The following WASF3 variants were observed in gnomAD, a reference collection of about 807,000 sequenced individuals.
WASF3 encodes actin-binding protein WASF3.
Under a neutral mutation model 46.6 loss-of-function variants are expected in WASF3, and 11 were observed. The observed-to-expected ratio is 0.24, with a 90% CI of 0.15 to 0.39. WASF3 has a LOEUF of 0.39. Among genes scored for constraint, WASF3 ranks in the 10% least tolerant of loss-of-function variants. The pLI is 1.00. For synonymous variants in WASF3, 242 were observed against 259.7 expected, an observed-to-expected ratio of 0.93 and a Z score of 0.65; for missense variants, 576 against 669.8, an observed-to-expected ratio of 0.86 and a Z score of 1.55.
At chr13:26,664,989 C>T (rs1381797093) in intron 3 of WASF3, 39 bp from the exon 4 acceptor site, 1 of 1,611,094 alleles carries the variant, frequency 6.2e-7, no homozygotes, top group Non-Finnish European at 8.5e-7. Flanking sequence ...TTCATCAGCT[C>T]CCTAACAGAT....
upstream of WASF3, among the ~76,000 whole-genome samples, chr13:26,555,472 C>T (rs1879077322): frequency 6.6e-6 from 1 of 152,128 alleles, no homozygotes; most frequent in Non-Finnish European, 1.5e-5. Context: ...TCCTTTGCAG[C>T]TAAAGGTGGT....
intron 3 of WASF3, among the ~76,000 whole-genome samples, chr13:26,646,983 A>G (rs1882169119): frequency 6.6e-6 from 1 of 152,256 alleles, no homozygotes; most frequent in Admixed American, 6.5e-5. Flanking sequence ...TGAAGGCCCT[A>G]CAACTTTACA....
rs398022033 is a variant in WASF3 at position 26,582,676 on chromosome 13, C to CAAAAA, written c.-109+24876_-109+24880dup. On this transcript the variant is annotated intron_variant, in intron 1 of 9. Coordinates refer to ENST00000335327, the MANE Select transcript of WASF3 (RefSeq NM_006646.6). ...TGGGTGACCGAGTGAGACTCCGTCT[C>CAAAAA]AAAAAAAAAAAAAAAAAAAAAAAGC... 1.5e-3 allele frequency among the ~76,000 whole-genome samples: 80 copies of CAAAAA among 53,300 alleles called. 3 individuals are homozygous for CAAAAA. Among genetic ancestry groups the CAAAAA allele is most frequent in the African/African-American group, 2.0e-3 (25 of 12,218 alleles). The allele number at this position is 53,300 out of a possible 152,430, so 35.0% of individuals were successfully genotyped here. A position where few individuals can be genotyped will look rare whatever the true frequency, so the allele number is the denominator to read the frequency against.
At chr13:26,577,386 T>C in intron 1 of WASF3, 2 of 770,900 alleles carry the variant, frequency 2.6e-6, no homozygotes, top group South Asian at 2.7e-5. Context: ...CGGAAGAATA[T>C]GATGGAAATC....
In WASF3 at chr13:26,565,419, A is replaced by C. The variant is rs546247178; in HGVS notation, c.-109+7600A>C. Among the ~76,000 whole-genome samples, 26 of 152,278 alleles carry C rather than the reference A, an allele frequency of 1.7e-4. 1 individual carries two copies. The highest frequency in any genetic ancestry group is 5.8e-4 in the African/African-American group (24 of 41,554). On this transcript the variant is annotated intron_variant, in intron 1 of 9. Coordinates refer to ENST00000335327, the MANE Select transcript of WASF3 (RefSeq NM_006646.6). Reference sequence around the variant, plus strand: ...CTGACTTTACATGCCTTCAAAAGTAAGATCTTAACTTTGGCAGAAATACTA... The same window carrying C: ...CTGACTTTACATGCCTTCAAAAGTACGATCTTAACTTTGGCAGAAATACTA...
At chr13:26,583,564 TTCC>T (rs1289464665) in intron 1 of WASF3, among the ~76,000 whole-genome samples, 1 of 152,148 alleles carries the variant, frequency 6.6e-6, no homozygotes, top group Non-Finnish European at 1.5e-5. Context: ...TCATTGAAAA[TTCC>T]TTATTTCATT....
At chr13:26,668,746 A>G (rs1395984830) in intron 5 of WASF3, among the ~76,000 whole-genome samples, 1 of 152,270 alleles carries the variant, frequency 6.6e-6, no homozygotes, top group Non-Finnish European at 1.5e-5. Context: ...TCAGAAAAAC[A>G]GGCCAAACTG....
intron 5 of WASF3, among the ~76,000 whole-genome samples, chr13:26,668,555 T>G (rs1433029321): frequency 2.6e-5 from 4 of 152,238 alleles, no homozygotes; most frequent in Admixed American, 6.5e-5. Context: ...CTCTCAGCAG[T>G]CCTACCCTCA....
chr13:26,587,929 T>C (rs1391027662), intron 1 of WASF3, among the ~76,000 whole-genome samples: 1 of 152,190 alleles, frequency 6.6e-6, no homozygotes, highest in East Asian at 1.9e-4. Flanking sequence ...AATTCATTGA[T>C]TTATGATTGC....
intron 3 of WASF3, among the ~76,000 whole-genome samples, chr13:26,644,801 T>C (rs1882100553): frequency 6.6e-6 from 1 of 152,034 alleles, no homozygotes; most frequent in South Asian, 2.1e-4. Context: ...AGGAAGCCAG[T>C]TGATGAGGAA....
chr13:26,659,509 A>T (rs1882562633), intron 3 of WASF3, among the ~76,000 whole-genome samples: 1 of 152,158 alleles, frequency 6.6e-6, no homozygotes, highest in Non-Finnish European at 1.5e-5. Context: ...GAGTAACAGG[A>T]TCTGAGACTG....
At chr13:26,637,230 G>A (rs375898583) in intron 2 of WASF3, among the ~76,000 whole-genome samples, 2 of 152,276 alleles carry the variant, frequency 1.3e-5, no homozygotes, top group African/African-American at 4.8e-5. Context: ...TAGGGGAGAG[G>A]CCTCTGCAGC....
chr13:26,622,775 A>G (rs1230611995), intron 2 of WASF3: 4 of 102,578 alleles, frequency 3.9e-5, no homozygotes, highest in Non-Finnish European at 7.2e-5. Flanking sequence ...ACTCCGTCTC[A>G]AAAAAAAAAA....
At chr13:26,619,888 A>G (rs545672297) in intron 2 of WASF3, among the ~76,000 whole-genome samples, 1 of 152,260 alleles carries the variant, frequency 6.6e-6, no homozygotes, top group African/African-American at 2.4e-5. Context: ...TTACTTGAAT[A>G]CCAAAGCAGA....
At chr13:26,550,696 G>T in the WASF3 span, among the ~76,000 whole-genome samples, 2 of 152,124 alleles carry the variant, frequency 1.3e-5, no homozygotes, top group Admixed American at 6.5e-5. Context: ...TGCATATCTT[G>T]CTGTAACACA....
chr13:26,539,318 G>A, the WASF3 span, among the ~76,000 whole-genome samples: 1 of 152,154 alleles, frequency 6.6e-6, no homozygotes, highest in Non-Finnish European at 1.5e-5. Context: ...CAAGAATGAT[G>A]GACCCTCATG....
At chr13:26,644,213 T>C (rs1055468117) in intron 3 of WASF3, among the ~76,000 whole-genome samples, 1 of 152,198 alleles carries the variant, frequency 6.6e-6, no homozygotes, top group African/African-American at 2.4e-5. Context: ...ATTGGTTCTC[T>C]CCTGAAGTCC....
In WASF3 at chr13:26,686,109, C is replaced by G. The variant is rs998731578; in HGVS notation, c.*264C>G. ...TCCTGAAAACAGCATCTGCTTTCCT[C>G]TTGGCCATGAGAGTATTTAGTGCAG... On this transcript the variant is annotated 3_prime_UTR_variant, in exon 10 of 10. Coordinates refer to ENST00000335327, the MANE Select transcript of WASF3 (RefSeq NM_006646.6). 3.9e-5 allele frequency: 17 copies of G among 430,568 alleles called. 1 individual carries two copies. Among genetic ancestry groups the G allele is most frequent in the Non-Finnish European group, 6.7e-5 (16 of 238,748 alleles). The allele number at this position is 430,568 out of a possible 1,614,324, so 26.7% of individuals were successfully genotyped here.
rs994800076 is a variant in WASF3, at chr13:26,679,091, A to T, written c.717-1963A>T. On this transcript the variant is annotated intron_variant, in intron 7 of 9. Transcript: ENST00000335327. This position sits in a 1 kb window ranked among gnomAD's most constrained non-coding sequence, Gnocchi z 4.8. Reference sequence around the variant, plus strand: ...CTCCCAGTCCTCTTCCTCCCGTGTCAGTGTCGCCTCTGGCCCTCCCAGTCC... The same window carrying T: ...CTCCCAGTCCTCTTCCTCCCGTGTCTGTGTCGCCTCTGGCCCTCCCAGTCC... Among the ~76,000 whole-genome samples, 2 of 146,270 alleles carry T rather than the reference A, an allele frequency of 1.4e-5. No individual in the cohort carries two copies. The highest frequency in any genetic ancestry group is 4.4e-4 in the South Asian group (2 of 4,578).
Sources: allele counts gnomAD v4.1 joint callset (sites outside exome capture counted in the v4.1 genomes callset), GRCh38; gene constraint gnomAD v4.1.1; non-coding constraint Gnocchi (gnomAD v3.1); transcripts MANE v1.5; gene names NCBI Gene and HGNC (gene_info 2026-07-23, HGNC 2026-07-21).